Variants in KIR3DL2 observed in about 807,000 individuals in gnomAD.
KIR3DL2 encodes the protein killer cell immunoglobulin like receptor, three Ig domains and long cytoplasmic tail 2, also known as killer cell immunoglobulin-like receptor 3DL2.
KIR3DL2 carries 42 observed loss-of-function variants against 41.6 expected under a neutral mutation model. The ratio of observed to expected loss-of-function variants is 1.01; its 90% CI spans 0.79 to 1.31. The LOEUF (loss-of-function observed/expected upper bound fraction) is 1.31, where lower values mean the gene tolerates loss of function less well. Ranked by LOEUF, KIR3DL2 falls within the 50% of genes most tolerant of loss-of-function variation. The pLI is 0.00. For synonymous variants in KIR3DL2, 230 were observed against 221.3 expected (o/e 1.04, Z -0.35); for missense variants, 728 against 576.8 (o/e 1.26, Z -2.68).
At chr19:54,854,516 T>A (rs2064576798) in intron 4 of KIR3DL2, among the ~76,000 whole-genome samples, 1 of 151,764 alleles carries the variant, frequency 6.6e-6, no homozygotes, top group Admixed American at 6.5e-5. Context: ...CTGCCTTCCA[T>A]GCAGTGGAGC....
chr19:54,851,377 G>C, intron 2 of KIR3DL2, 122 bp downstream of exon 2: 1 of 1,098,840 alleles, frequency 9.1e-7, no homozygotes, highest in Non-Finnish European at 1.3e-6. Flanking sequence ...TTGGATACTC[G>C]GCCCACATTT....
rs376049512 is a variant in KIR3DL2 at position 54,852,222 on chromosome 19, C to T, written c.295C>T (p.Arg99Cys). 2.7e-5 allele frequency: 44 copies of T among 1,611,404 alleles called. No homozygotes were observed. The highest frequency in any genetic ancestry group is 1.6e-4 in the Middle Eastern group (1 of 6,066). Residue 99 changes from arginine (R) to cysteine (C), a missense_variant, in exon 3 of 9, where the codon CGC becomes TGC. By Grantham distance (180) the Arg-to-Cys change is radical (BLOSUM62 -3). Transcript: ENST00000326321. ...HAGTYRCRGSRPHSLTGWSAP... is the reference protein window; with the variant it reads ...HAGTYRCRGSCPHSLTGWSAP... ...AGGGACCTACAGATGTCGGGGTTCA[C>T]GCCCACACTCCCTCACTGGGTGGTC...
intron 6 of KIR3DL2, among the ~76,000 whole-genome samples, chr19:54,861,108 G>C (rs588026): frequency 0.26 from 34,113 of 130,652 alleles, 2,051 homozygotes; most frequent in South Asian, 0.29. Context: ...AAAGGCAATT[G>C]CCGCCCCACT....
intron 6 of KIR3DL2, among the ~76,000 whole-genome samples, chr19:54,863,046 C>T (rs1319031803): frequency 7.8e-6 from 1 of 127,808 alleles, no homozygotes; most frequent in Non-Finnish European, 1.6e-5. Flanking sequence ...TGATGTTCCC[C>T]TTCCTGTGTC....
Position 54,852,182 on chromosome 19 carries a change from G to A in KIR3DL2, c.255G>A (p.Val85=). Residue 85 remains valine (V), a synonymous_variant, in exon 3 of 9, where the codon GTG becomes GTA. Transcript: ENST00000326321. ...AGGAGAGCTTCATCATGGGCCCTGT[G>A]ACCCCAGCACATGCAGGGACCTACA... ...IFQESFIMGP[V]TPAHAGTYRC... 2 of 1,612,758 alleles carry A rather than the reference G, an allele frequency of 1.2e-6. No homozygotes were observed. Among genetic ancestry groups the A allele is most frequent in the Non-Finnish European group, 1.7e-6 (2 of 1,179,488 alleles).
At chr19:54,854,429 C>T (rs1215546599) in intron 4 of KIR3DL2, among the ~76,000 whole-genome samples, 3 of 151,918 alleles carry the variant, frequency 2.0e-5, no homozygotes, top group East Asian at 1.9e-4. Flanking sequence ...CAAGGACACC[C>T]ATATTTCTGA....
At chr19:54,865,741 T>G in intron 6 of KIR3DL2, 64 bp from the exon 7 acceptor site, 2 of 1,386,834 alleles carry the variant, frequency 1.4e-6, no homozygotes, top group South Asian at 1.2e-5. Flanking sequence ...AATCAAGAAA[T>G]GAGACAATCC....
At chr19:54,851,042 C>G (rs1271337536) in intron 1 of KIR3DL2, among the ~76,000 whole-genome samples, 178 bp from the exon 2 acceptor site, 1 of 150,110 alleles carries the variant, frequency 6.7e-6, no homozygotes, top group Non-Finnish European at 1.5e-5. Flanking sequence ...TTGATCTGGG[C>G]CTGGAGCCTG....
Position 54,853,861 on chromosome 19 carries a change from G to C in KIR3DL2, c.470G>C (p.Arg157Thr). The C allele has an allele frequency of 6.2e-7, 1 of 1,613,290 alleles. No individual in the cohort carries two copies. Among genetic ancestry groups the C allele is most frequent in the South Asian group, 1.1e-5 (1 of 91,082 alleles). The change falls in exon 4 of 9, where the codon AGA becomes ACA. Residue 157 changes from arginine (R) to threonine (T), a missense_variant. Arg to Thr is a moderately conservative substitution (Grantham distance 71, BLOSUM62 -1). Transcript: ENST00000326321. ...DVMFEHFFLH[R>T]EGISEDPSRL... ...ATGTTTGAGCACTTCTTTCTGCACA[G>C]AGAGGGGATCTCTGAGGACCCCTCA...
intron 6 of KIR3DL2, among the ~76,000 whole-genome samples, chr19:54,862,499 G>A (rs2065244281): frequency 6.6e-6 from 1 of 152,054 alleles, no homozygotes; most frequent in Non-Finnish European, 1.5e-5. Context: ...CAGATAAGCA[G>A]CGAGTGACAA....
rs898977892 is a variant in KIR3DL2 at position 54,864,531 on chromosome 19, A to C, written c.1001-1274A>C. 1.1e-4 allele frequency among the ~76,000 whole-genome samples: 16 copies of C among 151,846 alleles called. 1 individual carries two copies. The highest frequency in any genetic ancestry group is 3.6e-4 in the African/African-American group (15 of 41,444). On this transcript the variant is annotated intron_variant, in intron 6 of 8. Transcript: ENST00000326321. ...ATTTGTTTGTATCCTCTTTTATTTC[A>C]TTGAGCAGTGGTTTGTAGTTCTCCT...
At position 54,867,161 on chromosome 19, in the gene KIR3DL2, A is replaced by G. The variant is rs1485516864; in HGVS notation, c.*430A>G. Reference sequence around the variant, plus strand: ...AGTAAAATTTATAAATTTTTTTTATAACTTCAGTGTAGCTCTCTCCTCTTC... The same window carrying G: ...AGTAAAATTTATAAATTTTTTTTATGACTTCAGTGTAGCTCTCTCCTCTTC... On this transcript the variant is annotated 3_prime_UTR_variant, in exon 9 of 9. Coordinates refer to ENST00000326321, the MANE Select transcript of KIR3DL2 (RefSeq NM_006737.4). 4.7e-6 allele frequency: 1 copy of G among 212,728 alleles called. No homozygotes were observed. Among genetic ancestry groups the G allele is most frequent in the Non-Finnish European group, 9.3e-6 (1 of 107,780 alleles). 13.2% of individuals were successfully genotyped at this position (212,728 alleles called of 1,614,324 possible).
At chr19:54,859,041 C>T (rs1168475899) in intron 5 of KIR3DL2, 38 bp from the exon 6 acceptor site, 16 of 1,604,798 alleles carry the variant, frequency 1.0e-5, no homozygotes, top group African/African-American at 1.3e-5. Flanking sequence ...AGGACAAGCA[C>T]CCTCATTTCC....
intron 6 of KIR3DL2, among the ~76,000 whole-genome samples, chr19:54,860,748 AT>A (rs1291916063): frequency 1.4e-5 from 2 of 146,272 alleles, no homozygotes; most frequent in African/African-American, 5.0e-5. Context: ...CTAATCAGAT[AT>A]TTGTGACATT....
intron 6 of KIR3DL2, among the ~76,000 whole-genome samples, chr19:54,860,657 G>A (rs1381543050): frequency 6.6e-6 from 1 of 151,866 alleles, no homozygotes; most frequent in Non-Finnish European, 1.5e-5. Context: ...TAAGAGGCAT[G>A]AGCCACGGGG....
intron 7 of KIR3DL2, 139 bp downstream of exon 7, chr19:54,866,048 G>A (rs2065489951): frequency 1.2e-6 from 1 of 835,826 alleles, no homozygotes; most frequent in South Asian, 1.5e-5. Context: ...TTTCTAGAGA[G>A]AGCACCAGAC....
chr19:54,853,969 A>G lies in KIR3DL2; in HGVS notation c.578A>G (p.Tyr193Cys), dbSNP rs2064520657. The change falls in exon 4 of 9, where the codon TAC becomes TGC. Residue 193 changes from tyrosine to cysteine, a missense_variant. Coordinates refer to ENST00000326321, the MANE Select transcript of KIR3DL2 (RefSeq NM_006737.4). ...TTGATGCCTGTCCTTGCAGGAACCT[A>G]CAGATGTTATGGTTCTGTTCCTCAC... is the stretch of plus-strand genomic sequence containing the variant. ...GPLMPVLAGT[Y>C]RCYGSVPHSP... is the part of the protein sequence containing the mutation. The G allele has an allele frequency of 6.2e-7, 1 of 1,613,110 alleles. No homozygotes were observed. The highest frequency in any genetic ancestry group is 1.3e-5 in the African/African-American group (1 of 74,356).
intron 6 of KIR3DL2, among the ~76,000 whole-genome samples, chr19:54,859,602 C>G (rs1188340335): frequency 6.6e-5 from 10 of 151,854 alleles, no homozygotes; most frequent in Non-Finnish European, 1.2e-4. Flanking sequence ...TGCACGCACA[C>G]TTCGACTCAG....
chr19:54,859,642 G>A lies in KIR3DL2; in HGVS notation c.1000+513G>A, dbSNP rs2065034239. 2.0e-5 allele frequency among the ~76,000 whole-genome samples: 3 copies of A among 151,808 alleles called. 1 individual carries two copies. Among genetic ancestry groups the A allele is most frequent in the Non-Finnish European group, 2.9e-5 (2 of 67,902 alleles). On this transcript the variant is annotated intron_variant, in intron 6 of 8. Transcript: ENST00000326321. The stretch of plus-strand genomic sequence containing the variant: ...TCATTCAGCCACAGCCCCATGCTCA[G>A]GCTGTGCAGTGTGGAAGCTTTTCCT...
Sources: gnomAD v4.1 joint callset for allele counts (sites outside exome capture counted in the v4.1 genomes callset) on GRCh38, gnomAD v4.1.1 for gene constraint, MANE v1.5 for transcripts, NCBI Gene and HGNC (gene_info 2026-07-23, HGNC 2026-07-21) for gene names.